The following ATP2B2 variants were observed in gnomAD, a reference collection of about 807,000 sequenced individuals.
ATP2B2 encodes the protein plasma membrane calcium-transporting ATPase 2.
In ATP2B2, 15 loss-of-function variants were observed where a neutral mutation model predicts 120.0. The observed-to-expected ratio is 0.12, with a 90% CI of 0.08 to 0.19. The LOEUF (loss-of-function observed/expected upper bound fraction) is 0.19. Among genes scored for constraint, ATP2B2 ranks in the 10% least tolerant of loss-of-function variants. The pLI is 1.00. For missense variants in ATP2B2, 1,045 were observed against 1,719.8 expected (o/e 0.61, Z 6.94); for synonymous variants, 694 against 700.3 (o/e 0.99, Z 0.14).
intron 1 of ATP2B2, among the ~76,000 whole-genome samples, chr3:10,486,280 G>C (rs534858959): frequency 6.6e-6 from 1 of 151,868 alleles, no homozygotes; most frequent in East Asian, 1.9e-4. Context: ...GATTTAATGA[G>C]ATGACAATCT....
intron 5 of ATP2B2, among the ~76,000 whole-genome samples, chr3:10,397,028 A>G (rs1216195270): frequency 1.3e-5 from 2 of 152,058 alleles, no homozygotes; most frequent in Admixed American, 6.5e-5. Flanking sequence ...CATGAATGAC[A>G]CTCCTATTGT....
chr3:10,568,457 A>G (rs969496481), intron 2 of ATP2B2, among the ~76,000 whole-genome samples: 10 of 152,366 alleles, frequency 6.6e-5, no homozygotes, highest in African/African-American at 2.4e-4. Context: ...TCTCCTGAAC[A>G]TGAGGCCCAG....
At chr3:10,507,719 T>C (rs999216081), upstream of ATP2B2, among the ~76,000 whole-genome samples, 8 of 152,198 alleles carry the variant, frequency 5.3e-5, no homozygotes, top group African/African-American at 1.7e-4. Context: ...CGGCACACTT[T>C]ACAGTTTGTA....
At chr3:10,638,621 C>G (rs575399778) in intron 1 of ATP2B2, among the ~76,000 whole-genome samples, 3 of 152,062 alleles carry the variant, frequency 2.0e-5, no homozygotes, top group Non-Finnish European at 4.4e-5. Context: ...TATCTATGAT[C>G]CCAATAAATG....
chr3:10,654,107 C>T (rs2070542872), intron 1 of ATP2B2, among the ~76,000 whole-genome samples: 1 of 152,162 alleles, frequency 6.6e-6, no homozygotes, highest in Non-Finnish European at 1.5e-5. Context: ...CCCTCTGAGG[C>T]AGGCTTTGTT....
rs745874947 is a variant in ATP2B2, at chr3:10,371,865, T to C, written c.1603A>G (p.Met535Val). Residue 535 changes from methionine (M) to valine (V), a missense_variant, in exon 12 of 23, where the codon ATG becomes GTG. By Grantham distance (21) the Met-to-Val change is conservative (BLOSUM62 1). Coordinates refer to ENST00000360273, the MANE Select transcript of ATP2B2 (RefSeq NM_001001331.4). ...GCGATGGCATTGATCAGCAGCTCCA[T>C]GGTCTTGGTGTTGATGGAGCTGGGG... ...PDPSSINTKT[M>V]ELLINAIAIN... The C allele has an allele frequency of 5.0e-6, 8 of 1,614,140 alleles. No individual in the cohort carries two copies. In the Middle Eastern group the frequency reaches 4.9e-4, roughly 100 times the overall value.
At chr3:10,485,859 C>T (rs1344139086) in intron 1 of ATP2B2, among the ~76,000 whole-genome samples, 2 of 152,152 alleles carry the variant, frequency 1.3e-5, no homozygotes, top group Non-Finnish European at 2.9e-5. Context: ...GGAAGGGTTG[C>T]TCTGGGAGGG....
rs1414449622 is a variant in ATP2B2 at position 10,328,600 on chromosome 3, C to A, written c.*214G>T. 3.3e-6 allele frequency: 2 copies of A among 604,308 alleles called. No individual in the cohort carries two copies. The highest frequency in any genetic ancestry group is 6.2e-5 in the Admixed American group (2 of 32,330). 37.4% of individuals were successfully genotyped at this position (604,308 alleles called of 1,614,324 possible). A position where few individuals can be genotyped will look rare whatever the true frequency, so the allele number is the denominator to read the frequency against. ...ACTCCCGTAAGCCCCCAGTGGAGATCCCGCCCCTTGCCTTGAAGTGAAAAA... is the reference window on the plus strand; with the variant it reads ...ACTCCCGTAAGCCCCCAGTGGAGATACCGCCCCTTGCCTTGAAGTGAAAAA... On this transcript the variant is annotated 3_prime_UTR_variant, in exon 23 of 23. Transcript: ENST00000360273.
chr3:10,573,268 T>C (rs1034686337), intron 2 of ATP2B2, among the ~76,000 whole-genome samples: 1 of 152,050 alleles, frequency 6.6e-6, no homozygotes, highest in African/African-American at 2.4e-5. Flanking sequence ...CAATGAATAA[T>C]TGATTGAATG....
At chr3:10,668,147 C>T (rs191760876) in intron 1 of ATP2B2, among the ~76,000 whole-genome samples, 220 of 152,306 alleles carry the variant, frequency 1.4e-3, no homozygotes, top group Admixed American at 7.6e-3. Context: ...AGGAGGGCAA[C>T]GCGGGCAGCT....
intron 2 of ATP2B2, among the ~76,000 whole-genome samples, chr3:10,428,328 GT>G (rs2063206432): frequency 2.6e-5 from 4 of 152,216 alleles, no homozygotes; most frequent in Admixed American, 2.6e-4. Context: ...CTTTTCCAGT[GT>G]TTTTGGAAAT....
intron 1 of ATP2B2, among the ~76,000 whole-genome samples, chr3:10,488,507 G>GTTCCTTCGTTCC (rs2065812059): frequency 1.1e-5 from 1 of 95,176 alleles, no homozygotes; most frequent in African/African-American, 4.1e-5. Flanking sequence ...TCCTTCCTTC[G>GTTCCTTCGTTCC]TTCCTTCCTT....
chr3:10,627,567 C>T (rs925168415), intron 1 of ATP2B2, among the ~76,000 whole-genome samples: 1 of 152,132 alleles, frequency 6.6e-6, no homozygotes, highest in African/African-American at 2.4e-5. Flanking sequence ...CCTCATCATC[C>T]TCCAAAATGT....
chr3:10,327,569 T>C lies in ATP2B2; in HGVS notation c.*1245A>G, dbSNP rs986570332. The C allele has an allele frequency of 2.6e-5, 4 of 152,802 alleles. No homozygotes were observed. The highest frequency in any genetic ancestry group is 2.0e-4 in the Admixed American group (3 of 15,310). The allele number at this position is 152,802 out of a possible 1,614,324, so 9.5% of individuals were successfully genotyped here. A position where few individuals can be genotyped will look rare whatever the true frequency, so the allele number is the denominator to read the frequency against. On this transcript the variant is annotated 3_prime_UTR_variant, in exon 23 of 23. Transcript: ENST00000360273. ...AAAAAAATCAACACAATACCATTTA[T>C]AATATTTCAACACTACCTCAATCTC... is the stretch of plus-strand genomic sequence containing the variant.
intron 2 of ATP2B2, among the ~76,000 whole-genome samples, chr3:10,446,661 C>A (rs2063846297): frequency 6.6e-6 from 1 of 152,174 alleles, no homozygotes; most frequent in Non-Finnish European, 1.5e-5. Flanking sequence ...CTGTACCTCC[C>A]AGCCCCCTGG....
At chr3:10,681,758 T>C (rs1287194645) in intron 1 of ATP2B2, among the ~76,000 whole-genome samples, 5 of 152,192 alleles carry the variant, frequency 3.3e-5, no homozygotes, top group African/African-American at 1.2e-4. Context: ...CTGAGACTTA[T>C]CAATGTTAAG....
chr3:10,351,717 T>C (rs1309819885), intron 14 of ATP2B2, among the ~76,000 whole-genome samples: 7 of 152,210 alleles, frequency 4.6e-5, no homozygotes. Context: ...CGCATCACGG[T>C]AAGCCCTAAT....
At chr3:10,545,126 G>A (rs115970398) in intron 2 of ATP2B2, among the ~76,000 whole-genome samples, 5 of 152,286 alleles carry the variant, frequency 3.3e-5, no homozygotes, top group Admixed American at 2.0e-4. Context: ...GAAGAAAGTC[G>A]GAAAGAAGCG....
chr3:10,563,798 G>A (rs2067953690), intron 2 of ATP2B2, among the ~76,000 whole-genome samples: 1 of 151,954 alleles, frequency 6.6e-6, no homozygotes, highest in Non-Finnish European at 1.5e-5. Flanking sequence ...GACAGTATTA[G>A]CATCCCCATT....
Sources: allele counts gnomAD v4.1 joint callset (sites outside exome capture counted in the v4.1 genomes callset), GRCh38; gene constraint gnomAD v4.1.1; transcripts MANE v1.5; gene names NCBI Gene and HGNC (gene_info 2026-07-23, HGNC 2026-07-21).